The following CFAP58 variants were observed in gnomAD, a reference collection of about 807,000 sequenced individuals.
CFAP58 encodes cilia and flagella associated protein 58.
A neutral mutation model predicts 119.5 loss-of-function variants in CFAP58; 88 were observed. The observed-to-expected ratio is 0.74, with a 90% CI of 0.62 to 0.88. The LOEUF is 0.88. Among genes scored for constraint, CFAP58 ranks in the 40% least tolerant of loss-of-function variants. The pLI, the probability that CFAP58 is intolerant of heterozygous loss-of-function variation, is 0.00. For synonymous variants in CFAP58, 365 were observed against 366.3 expected (o/e 1.00, Z 0.04); for missense variants, 990 against 1,021.2 (o/e 0.97, Z 0.42).
At chr10:104,403,175 A>G (rs112646311) in intron 13 of CFAP58, among the ~76,000 whole-genome samples, 4 of 152,234 alleles carry the variant, frequency 2.6e-5, no homozygotes, top group African/African-American at 9.6e-5. Context: ...AGTTTCCCCC[A>G]TGCTGTTCTC....
In CFAP58 at chr10:104,394,858, G is replaced by A. The variant is rs180673419; in HGVS notation, c.1674+1383G>A. On this transcript the variant is annotated intron_variant, in intron 11 of 17. Coordinates refer to ENST00000369704, the MANE Select transcript of CFAP58 (RefSeq NM_001008723.2). The stretch of plus-strand genomic sequence containing the variant: ...ATAGAAAACAGTTTGTTCCACTGTG[G>A]AGCTTGTAGTGGGATAGGGTTTATT... Among the ~76,000 whole-genome samples the A allele has an allele frequency of 2.6e-3, 392 of 152,310 alleles. 1 individual carries two copies. The highest frequency in any genetic ancestry group is 0.01 in the Middle Eastern group (3 of 294).
chr10:104,404,072 G>T (rs2012316126), intron 14 of CFAP58, among the ~76,000 whole-genome samples: 1 of 152,332 alleles, frequency 6.6e-6, no homozygotes, highest in African/African-American at 2.4e-5. Flanking sequence ...AGAAAGCCCA[G>T]TGAAAGCTGT....
chr10:104,377,930 G>A (rs77432152), intron 8 of CFAP58, among the ~76,000 whole-genome samples: 4,603 of 152,190 alleles, frequency 0.03, 262 homozygotes, highest in African/African-American at 0.11. Context: ...ATAAACAATA[G>A]TGTTGGATTT....
chr10:104,388,377 C>T (rs1362272486), intron 9 of CFAP58, among the ~76,000 whole-genome samples: 2 of 152,186 alleles, frequency 1.3e-5, no homozygotes, highest in South Asian at 2.1e-4. Flanking sequence ...CTTAAATCCT[C>T]ATAATAGCCC....
chr10:104,376,066 G>T (rs190910888), intron 7 of CFAP58, among the ~76,000 whole-genome samples: 2 of 152,270 alleles, frequency 1.3e-5, no homozygotes, highest in East Asian at 3.9e-4. Flanking sequence ...GGGAAAAGGG[G>T]ATTCTTTATA....
In CFAP58 at chr10:104,381,375, C is replaced by T. The variant is rs934583141; in HGVS notation, c.1365+1155C>T. On this transcript the variant is annotated intron_variant, in intron 9 of 17. Transcript: ENST00000369704. Reference sequence around the variant, plus strand: ...AAGCATGAGTGGTTAAAATAGTACTCTCTTTAATGCATTCATAGATGGCAT... The same window carrying T: ...AAGCATGAGTGGTTAAAATAGTACTTTCTTTAATGCATTCATAGATGGCAT... Among the ~76,000 whole-genome samples, 5 of 152,182 alleles carry T rather than the reference C, an allele frequency of 3.3e-5. 1 individual carries two copies. The highest frequency in any genetic ancestry group is 2.6e-4 in the Admixed American group (4 of 15,298).
intron 17 of CFAP58, among the ~76,000 whole-genome samples, 163 bp from the exon 18 acceptor site, chr10:104,454,259 T>G (rs2013241630): frequency 6.6e-6 from 1 of 152,186 alleles, no homozygotes; most frequent in African/African-American, 2.4e-5. Context: ...AATTTTATGT[T>G]TTTTTCAGTG....
chr10:104,428,469 C>G (rs892367795), intron 15 of CFAP58, among the ~76,000 whole-genome samples: 3 of 152,160 alleles, frequency 2.0e-5, no homozygotes, highest in African/African-American at 7.2e-5. Flanking sequence ...AAGATTCAAC[C>G]AATTTAGAAA....
the CFAP58 span, among the ~76,000 whole-genome samples, chr10:104,344,993 C>G: frequency 6.6e-6 from 1 of 151,884 alleles, no homozygotes; most frequent in Non-Finnish European, 1.5e-5. Context: ...ACTAAAAATA[C>G]AAAAATTAGC....
At chr10:104,339,186 G>A in the CFAP58 span, among the ~76,000 whole-genome samples, 1 of 152,186 alleles carries the variant, frequency 6.6e-6, no homozygotes. Context: ...CACCGCGCCC[G>A]ACTTTTATGA....
chr10:104,430,580 T>G (rs769805565), intron 15 of CFAP58, among the ~76,000 whole-genome samples: 13 of 152,220 alleles, frequency 8.5e-5, no homozygotes, highest in Non-Finnish European at 1.9e-4. Flanking sequence ...TTGTTGGCTG[T>G]GCAGCGTAAT....
intron 13 of CFAP58, among the ~76,000 whole-genome samples, chr10:104,401,679 A>G (rs2012267768): frequency 6.6e-6 from 1 of 152,176 alleles, no homozygotes; most frequent in African/African-American, 2.4e-5. Flanking sequence ...GGGTTAGAAG[A>G]TAGTTTGGAT....
At chr10:104,399,544 A>C (rs1471193673) in intron 12 of CFAP58, 44 bp downstream of exon 12, 1 of 1,597,536 alleles carries the variant, frequency 6.3e-7, no homozygotes, top group Non-Finnish European at 8.5e-7. Context: ...GTCAACAGAC[A>C]CGGGTATTTA....
intron 17 of CFAP58, among the ~76,000 whole-genome samples, chr10:104,453,761 A>AGTGTGTGTGGGT (rs2013231312): frequency 1.4e-5 from 2 of 138,844 alleles, no homozygotes; most frequent in African/African-American, 5.4e-5. Flanking sequence ...CATGAATATG[A>AGTGTGTGTGGGT]GTGTGTGTGT....
chr10:104,368,439 C>G lies in CFAP58; in HGVS notation c.809C>G (p.Ala270Gly), dbSNP rs1323642435. 1 of 1,613,786 alleles carries G rather than the reference C, an allele frequency of 6.2e-7. No individual in the cohort carries two copies. The highest frequency in any genetic ancestry group is 1.1e-5 in the South Asian group (1 of 91,072). Residue 270 changes from alanine (A) to glycine (G), a missense_variant, in exon 6 of 18, where the codon GCT becomes GGT. Physicochemically the swap from Ala to Gly is moderately conservative, Grantham distance 60. Coordinates refer to ENST00000369704, the MANE Select transcript of CFAP58 (RefSeq NM_001008723.2). ...LKEQKILNER[A>G]AKELEQFQMR... is the part of the protein sequence containing the mutation. ...CCCTTTCAGATATTGAATGAGAGAG[C>G]TGCAAAGGAACTCGAGCAATTTCAG...
At chr10:104,385,817 A>G (rs1234946272) in intron 9 of CFAP58, among the ~76,000 whole-genome samples, 1 of 152,218 alleles carries the variant, frequency 6.6e-6, no homozygotes, top group African/African-American at 2.4e-5. Flanking sequence ...TGTTCCAGGC[A>G]AAATCAGTGA....
intron 15 of CFAP58, among the ~76,000 whole-genome samples, chr10:104,447,135 A>G (rs1233489393): frequency 6.6e-6 from 1 of 151,484 alleles, no homozygotes; most frequent in African/African-American, 2.4e-5. Flanking sequence ...GACTACAGGC[A>G]TGCACCAAAA....
chr10:104,429,140 A>G (rs1047896895), intron 15 of CFAP58, among the ~76,000 whole-genome samples: 5 of 152,106 alleles, frequency 3.3e-5, no homozygotes, highest in African/African-American at 1.2e-4. Flanking sequence ...GGAGATTGGT[A>G]GTGCTGGGAG....
At chr10:104,372,696 A>G (rs1489362664) in intron 7 of CFAP58, among the ~76,000 whole-genome samples, 2 of 152,224 alleles carry the variant, frequency 1.3e-5, no homozygotes, top group Admixed American at 6.5e-5. Context: ...GGCTATCAAA[A>G]CACTTCCATA....
Sources: allele counts gnomAD v4.1 joint callset (sites outside exome capture counted in the v4.1 genomes callset), GRCh38; gene constraint gnomAD v4.1.1; transcripts MANE v1.5; gene names NCBI Gene and HGNC (gene_info 2026-07-23, HGNC 2026-07-21).